Variants in SBK1 observed in about 807,000 individuals in gnomAD.
SBK1 encodes SH3 domain binding kinase 1.
SBK1 carries 11 observed loss-of-function variants against 24.4 expected under a neutral mutation model. The observed-to-expected ratio is 0.45, with a 90% CI of 0.28 to 0.75. SBK1 has a LOEUF of 0.75. Among genes scored for constraint, SBK1 ranks in the 30% least tolerant of loss-of-function variants. The pLI is 0.12. For missense variants in SBK1, 467 were observed against 620.5 expected, an observed-to-expected ratio of 0.75 and a Z score of 2.63; for synonymous variants, 308 against 284.4, an observed-to-expected ratio of 1.08 and a Z score of -0.83.
Position 28,322,919 on chromosome 16 carries a change from G to GCGCTCTCTCT in SBK1, c.*1999_*2000insGCTCTCTCTC, listed in dbSNP as rs2044864504. The GCGCTCTCTCT allele has an allele frequency of 1.7e-5, 1 of 58,048 alleles. No individual in the cohort carries two copies. The highest frequency in any genetic ancestry group is 3.9e-5 in the Non-Finnish European group (1 of 25,744). 3.6% of individuals were successfully genotyped at this position (58,048 alleles called of 1,614,324 possible). ...CGTGCTCGCTCTCTCTCTCGCGCGC[G>GCGCTCTCTCT]CTCTCTCTCTCCCTCTCTCTCTCTC... On this transcript the variant is annotated 3_prime_UTR_variant, in exon 4 of 4. Transcript: ENST00000341901.
In SBK1 at chr16:28,317,467, G is replaced by A; in HGVS notation, c.76G>A (p.Gly26Ser). 1.9e-6 allele frequency: 3 copies of A among 1,614,122 alleles called. No individual in the cohort carries two copies. The highest frequency in any genetic ancestry group is 1.7e-6 in the Non-Finnish European group (2 of 1,180,014). The change falls in exon 2 of 4, where the codon GGT becomes AGT. Residue 26 changes from glycine (G) to serine (S), a missense_variant. By Grantham distance (56) the Gly-to-Ser change is moderately conservative (BLOSUM62 0). Transcript: ENST00000341901. The surrounding 1 kb of genome is among the most constrained non-coding windows in gnomAD (Gnocchi z 4.2). ...TGGGCCGGGGACTGCCCCTGGGCCTGGTGCCGGTGTGCCCCTTCTCACTGA... is the reference window on the plus strand; with the variant it reads ...TGGGCCGGGGACTGCCCCTGGGCCTAGTGCCGGTGTGCCCCTTCTCACTGA... Reference protein sequence around the residue: ...CCGPGTAPGPGAGVPLLTEDM... With the variant: ...CCGPGTAPGPSAGVPLLTEDM...
At chr16:28,303,299 G>C (rs549649674) in intron 1 of SBK1, among the ~76,000 whole-genome samples, 1 of 152,204 alleles carries the variant, frequency 6.6e-6, no homozygotes, top group East Asian at 1.9e-4. Context: ...GCAGGGACCA[G>C]TTAGTAAGTT....
chr16:28,308,771 G>GTGTGTGTGTGTGTT (rs762331424), intron 1 of SBK1, among the ~76,000 whole-genome samples: 181 of 149,840 alleles, frequency 1.2e-3, no homozygotes, highest in Non-Finnish European at 2.0e-3. Context: ...GTGTGTGTGT[G>GTGTGTGTGTGTGTT]TGTGTGTGTT....
At chr16:28,261,895 ACT>A (rs964852579) in intron 1 of SBK1, among the ~76,000 whole-genome samples, 1 of 151,834 alleles carries the variant, frequency 6.6e-6, no homozygotes, top group Non-Finnish European at 1.5e-5. Flanking sequence ...GATTCTGGGG[ACT>A]CTCTGTAGGG....
At chr16:28,281,404 T>A (rs537090401) in intron 1 of SBK1, among the ~76,000 whole-genome samples, 20 of 152,192 alleles carry the variant, frequency 1.3e-4, no homozygotes, top group Non-Finnish European at 2.4e-4. Flanking sequence ...CTCCACCCTG[T>A]GTCCCTCCCC....
chr16:28,276,442 C>T (rs912184761), intron 1 of SBK1, among the ~76,000 whole-genome samples: 5 of 152,178 alleles, frequency 3.3e-5, no homozygotes, highest in African/African-American at 1.2e-4. Context: ...GCACTGGCAG[C>T]TGCGGGGTGA....
intron 1 of SBK1, among the ~76,000 whole-genome samples, chr16:28,261,257 G>A (rs1269554677): frequency 6.6e-6 from 1 of 152,104 alleles, no homozygotes; most frequent in Non-Finnish European, 1.5e-5. Context: ...AATGCTTGTT[G>A]AATGAATACA....
At chr16:28,305,463 C>T (rs1344059116) in intron 1 of SBK1, among the ~76,000 whole-genome samples, 11 of 151,960 alleles carry the variant, frequency 7.2e-5, no homozygotes, top group South Asian at 4.1e-4. Flanking sequence ...CCGCCTGCCT[C>T]GGCCTCCCAA....
chr16:28,265,069 G>A (rs930345439), intron 1 of SBK1, among the ~76,000 whole-genome samples: 2 of 151,178 alleles, frequency 1.3e-5, no homozygotes, highest in African/African-American at 4.9e-5. Context: ...CCCAGGATTC[G>A]AAACCAGCCA....
intron 1 of SBK1, among the ~76,000 whole-genome samples, chr16:28,269,520 G>C (rs1445255527): frequency 6.6e-6 from 1 of 152,048 alleles, no homozygotes; most frequent in Non-Finnish European, 1.5e-5. Context: ...CTATTTCTTA[G>C]AACTGAAGGG....
intron 1 of SBK1, among the ~76,000 whole-genome samples, chr16:28,305,069 C>T (rs1426981523): frequency 2.0e-5 from 3 of 151,920 alleles, no homozygotes; most frequent in Non-Finnish European, 4.4e-5. Context: ...CACCTCTGAC[C>T]TCTCTCACCT....
chr16:28,301,567 CAT>C (rs1335704516), intron 1 of SBK1, among the ~76,000 whole-genome samples: 1 of 152,230 alleles, frequency 6.6e-6, no homozygotes, highest in Non-Finnish European at 1.5e-5. Flanking sequence ...CCAGGCTCCT[CAT>C]GTGGGAAGTG....
upstream of SBK1, chr16:28,291,996 C>CGGATGGAT (rs991960478): frequency 6.6e-6 from 1 of 151,984 alleles, no homozygotes; most frequent in Admixed American, 6.6e-5. Flanking sequence ...GATGGACGGA[C>CGGATGGAT]GGATGGATGG....
chr16:28,282,481 G>A lies in SBK1; in HGVS notation c.257+22979G>A, dbSNP rs1290905158. 3.9e-5 allele frequency among the ~76,000 whole-genome samples: 6 copies of A among 152,238 alleles called. No individual in the cohort carries two copies. In the East Asian group the frequency reaches 5.8e-4, roughly 15 times the overall value. On this transcript the variant is annotated intron_variant, in intron 1 of 3. Transcript: ENST00000671413. ...GAACTTTGTGTCTCCTCTGTACCCC[G>A]GTCTCAGTAGGAATTTTACATTTGT... is the stretch of plus-strand genomic sequence containing the variant.
intron 1 of SBK1, among the ~76,000 whole-genome samples, chr16:28,302,269 G>A (rs562694697): frequency 6.6e-6 from 1 of 152,354 alleles, no homozygotes; most frequent in East Asian, 1.9e-4. Context: ...GTCTTTCCAA[G>A]AACCTCACTA....
intron 1 of SBK1, among the ~76,000 whole-genome samples, chr16:28,307,554 G>A (rs1161482360): frequency 4.6e-5 from 7 of 151,982 alleles, no homozygotes; most frequent in Non-Finnish European, 7.4e-5. Flanking sequence ...AGCCTGGCCA[G>A]CATGGTGAAA....
chr16:28,319,070 C>A lies in SBK1; in HGVS notation c.302C>A (p.Thr101Asn). Reference protein sequence around the residue: ...LKNFLREVSITNSLSSSPFII... With the variant: ...LKNFLREVSINNSLSSSPFII... ...AACTTCCTACGGGAGGTGAGCATCA[C>A]CAACAGCCTCTCCTCCAGCCCCTTC... is the stretch of plus-strand genomic sequence containing the variant. The change falls in exon 3 of 4, where the codon ACC becomes AAC. Residue 101 changes from threonine to asparagine, a missense_variant. By Grantham distance (65) the Thr-to-Asn change is moderately conservative. Coordinates refer to ENST00000341901, the MANE Select transcript of SBK1 (RefSeq NM_001024401.3). This position sits in a 1 kb window ranked among gnomAD's most constrained non-coding sequence, Gnocchi z 4.0. 6.2e-7 allele frequency: 1 copy of A among 1,614,086 alleles called. No homozygotes were observed. Among genetic ancestry groups the A allele is most frequent in the Non-Finnish European group, 8.5e-7 (1 of 1,179,976 alleles).
chr16:28,291,007 C>G (rs1410267962), upstream of SBK1: 1 of 152,360 alleles, frequency 6.6e-6, no homozygotes, highest in South Asian at 2.1e-4. Context: ...TCTTCTCCAC[C>G]CTCTCTATCA....
chr16:28,266,770 C>T (rs1466918797), intron 1 of SBK1, among the ~76,000 whole-genome samples: 1 of 144,276 alleles, frequency 6.9e-6, no homozygotes, highest in Admixed American at 7.1e-5. Context: ...AAAACAGGAT[C>T]TTGCTCTGTA....
Sources: gnomAD v4.1 joint callset for allele counts (sites outside exome capture counted in the v4.1 genomes callset) on GRCh38, gnomAD v4.1.1 for gene constraint, Gnocchi (gnomAD v3.1) non-coding constraint, MANE v1.5 for transcripts, NCBI Gene and HGNC (gene_info 2026-07-23, HGNC 2026-07-21) for gene names.